The following TIAM2 variants were observed in gnomAD, a reference collection of about 807,000 sequenced individuals.
TIAM2 encodes rho guanine nucleotide exchange factor TIAM2.
A neutral mutation model predicts 152.9 loss-of-function variants in TIAM2; 80 were observed. The ratio of observed to expected loss-of-function variants is 0.52; its 90% CI spans 0.44 to 0.63. The LOEUF (loss-of-function observed/expected upper bound fraction) is 0.63, where lower values mean the gene tolerates loss of function less well. Ranked by LOEUF, TIAM2 falls within the 30% of genes least tolerant of loss-of-function variation. The pLI is 0.00. For synonymous variants in TIAM2, 804 were observed against 838.0 expected (o/e 0.96, Z 0.70); for missense variants, 1,965 against 2,120.1 (o/e 0.93, Z 1.44).
chr6:155,182,369 A>T (rs776877750), intron 13 of TIAM2, 51 bp downstream of exon 13: 8 of 1,440,004 alleles, frequency 5.6e-6, no homozygotes, highest in East Asian at 4.5e-5. Context: ...AAACTGTGGG[A>T]TACAGTCTGG....
chr6:155,251,859 T>G, intron 22 of TIAM2, 86 bp from the exon 23 acceptor site: 1 of 1,040,766 alleles, frequency 9.6e-7, no homozygotes. Context: ...TTGGAGAGTG[T>G]TACTCTGTTA....
chr6:155,150,031 A>G (rs904416178), intron 7 of TIAM2, among the ~76,000 whole-genome samples: 1 of 152,084 alleles, frequency 6.6e-6, no homozygotes, highest in African/African-American at 2.4e-5. Flanking sequence ...TAATGTATCA[A>G]TTGGCAATAG....
intron 1 of TIAM2, among the ~76,000 whole-genome samples, chr6:155,011,429 A>G (rs992972242): frequency 5.3e-5 from 8 of 151,760 alleles, no homozygotes; most frequent in African/African-American, 1.9e-4. Context: ...CAATTTTCAT[A>G]TCATAGCAAA....
intron 15 of TIAM2, among the ~76,000 whole-genome samples, chr6:155,230,914 A>T (rs1782445184): frequency 6.6e-6 from 1 of 151,600 alleles, no homozygotes; most frequent in Non-Finnish European, 1.5e-5. Flanking sequence ...GCTCACTGCA[A>T]CCTCTGCCTC....
chr6:155,180,041 A>G (rs1193427871), intron 12 of TIAM2, among the ~76,000 whole-genome samples: 1 of 152,218 alleles, frequency 6.6e-6, no homozygotes, highest in East Asian at 1.9e-4. Flanking sequence ...GCACTTTGGG[A>G]GGCCAAGGCG....
intron 1 of TIAM2, among the ~76,000 whole-genome samples, chr6:155,069,240 A>G (rs977769403): frequency 6.6e-6 from 1 of 152,056 alleles, no homozygotes; most frequent in African/African-American, 2.4e-5. Context: ...GATTACAGGT[A>G]TGTGCCACCA....
chr6:155,248,030 TG>T lies in TIAM2; in HGVS notation c.3685del (p.Asp1229ThrfsTer37). On this transcript the variant is annotated frameshift_variant, in exon 20 of 27. Transcript: ENST00000682666. LOFTEE classifies it high-confidence loss of function. ...ACTGACAAAGCCTTCAAGGCTTTTC[TG>T]GACGCCCGGAACCCCACCAAGCAGC... is the stretch of plus-strand genomic sequence containing the variant. ...AKTDKAFKAFLDARNPTKQHS... is the reference protein window; with the variant it reads ...AKTDKAFKAFXDARNPTKQHS... The T allele has an allele frequency of 6.2e-7, 1 of 1,614,228 alleles. No individual in the cohort carries two copies. Among genetic ancestry groups the T allele is most frequent in the Non-Finnish European group, 8.5e-7 (1 of 1,180,020 alleles).
chr6:155,185,850 C>A (rs1346933719), intron 14 of TIAM2, among the ~76,000 whole-genome samples: 1 of 152,200 alleles, frequency 6.6e-6, no homozygotes, highest in African/African-American at 2.4e-5. Flanking sequence ...TTTACCATTC[C>A]TCCCCTCTCC....
At chr6:155,097,446 A>G (rs1778440000) in intron 2 of TIAM2, among the ~76,000 whole-genome samples, 1 of 152,184 alleles carries the variant, frequency 6.6e-6, no homozygotes, top group African/African-American at 2.4e-5. Context: ...GGCTCAAGCC[A>G]TCCTCCCATT....
At chr6:155,146,073 T>C (rs1337358626) in intron 6 of TIAM2, among the ~76,000 whole-genome samples, 3 of 152,184 alleles carry the variant, frequency 2.0e-5, no homozygotes, top group Non-Finnish European at 2.9e-5. Flanking sequence ...AATGTTTTAT[T>C]TTGTGATTCA....
chr6:155,045,055 T>C (rs35329783), intron 1 of TIAM2, among the ~76,000 whole-genome samples: 62,968 of 144,520 alleles, frequency 0.44, 14,169 homozygotes, highest in Non-Finnish European at 0.51. Flanking sequence ...TTTTTCTTTT[T>C]TTTTTTTTTT....
intron 1 of TIAM2, among the ~76,000 whole-genome samples, chr6:155,082,995 C>T (rs6901517): frequency 0.15 from 22,203 of 152,056 alleles, 1,903 homozygotes; most frequent in African/African-American, 0.23. Flanking sequence ...CGCCTCATCT[C>T]TCTTTGCCAG....
chr6:155,048,893 T>C (rs113251588), intron 1 of TIAM2, among the ~76,000 whole-genome samples: 7,817 of 151,808 alleles, frequency 0.051, 696 homozygotes, highest in African/African-American at 0.18. Flanking sequence ...CTTTGCCTCC[T>C]GGGTTCAAGC....
intron 2 of TIAM2, among the ~76,000 whole-genome samples, chr6:155,123,486 G>A (rs963133382): frequency 5.3e-5 from 8 of 152,288 alleles, no homozygotes; most frequent in South Asian, 4.1e-4. Context: ...GGCCTTGAGT[G>A]CACAGCATCC....
intron 7 of TIAM2, chr6:155,149,350 A>C (rs1238636737): frequency 1.8e-5 from 3 of 167,022 alleles, no homozygotes; most frequent in Non-Finnish European, 2.9e-5. Flanking sequence ...ACCAGTTGTC[A>C]AATGACCTGG....
chr6:155,040,247 A>G (rs1248713129), intron 1 of TIAM2, among the ~76,000 whole-genome samples: 1 of 152,156 alleles, frequency 6.6e-6, no homozygotes, highest in Non-Finnish European at 1.5e-5. Flanking sequence ...TATTCAGATA[A>G]ATACTTCATC....
At chr6:155,164,133 G>GTTTTTTTTTTTTTTTTTTTTTTTTT (rs375238178) in intron 7 of TIAM2, among the ~76,000 whole-genome samples, 2 of 118,006 alleles carry the variant, frequency 1.7e-5, no homozygotes, top group Non-Finnish European at 3.4e-5. Flanking sequence ...TAATTTTTGT[G>GTTTTTTTTTTTTTTTTTTTTTTTTT]TTTTTTTTTT....
intron 1 of TIAM2, among the ~76,000 whole-genome samples, chr6:155,028,566 C>T (rs1214070664): frequency 2.2e-5 from 3 of 136,018 alleles, no homozygotes; most frequent in Non-Finnish European, 4.6e-5. Flanking sequence ...TATATATATA[C>T]TGTGTTACAT....
chr6:155,092,063 AG>A (rs1332824725), intron 2 of TIAM2, among the ~76,000 whole-genome samples: 9 of 149,580 alleles, frequency 6.0e-5, no homozygotes, highest in South Asian at 2.1e-4. Flanking sequence ...GGGCCCGGCT[AG>A]TTTTTTTTAT....
Sources: allele counts gnomAD v4.1 joint callset (sites outside exome capture counted in the v4.1 genomes callset), GRCh38; gene constraint gnomAD v4.1.1; transcripts MANE v1.5; gene names NCBI Gene and HGNC (gene_info 2026-07-23, HGNC 2026-07-21).